The following NRXN1 variants were observed in gnomAD, a reference collection of about 807,000 sequenced individuals.
The protein encoded by NRXN1 is neurexin-1.
Under a neutral mutation model 150.9 loss-of-function variants are expected in NRXN1, and 39 were observed. The observed-to-expected ratio is 0.26, with a 90% CI of 0.20 to 0.34. The LOEUF (loss-of-function observed/expected upper bound fraction) is 0.34, where lower values mean the gene tolerates loss of function less well. Ranked by LOEUF, NRXN1 falls within the 10% of genes least tolerant of loss-of-function variation. The pLI is 1.00. For missense variants in NRXN1, 1,815 were observed against 1,949.9 expected (o/e 0.93, Z 1.30); for synonymous variants, 924 against 757.0 (o/e 1.22, Z -3.62).
At chr2:50,477,385 G>A (rs185497610) in intron 15 of NRXN1, among the ~76,000 whole-genome samples, 69 of 152,312 alleles carry the variant, frequency 4.5e-4, no homozygotes, top group African/African-American at 1.3e-3. Context: ...TGTGGAATTT[G>A]AGTAGGAACA....
At chr2:50,362,608 G>A (rs1441022766) in intron 17 of NRXN1, among the ~76,000 whole-genome samples, 1 of 152,010 alleles carries the variant, frequency 6.6e-6, no homozygotes, top group Non-Finnish European at 1.5e-5. Flanking sequence ...ACAAACAAAT[G>A]GAAAAACATT....
At chr2:50,322,568 A>G (rs898277193) in intron 17 of NRXN1, among the ~76,000 whole-genome samples, 2 of 152,220 alleles carry the variant, frequency 1.3e-5, no homozygotes, top group African/African-American at 4.8e-5. Flanking sequence ...TCTCTAATCT[A>G]TCACTAGATT....
At chr2:50,280,814 A>G (rs1189040322) in intron 17 of NRXN1, among the ~76,000 whole-genome samples, 2 of 152,154 alleles carry the variant, frequency 1.3e-5, no homozygotes, top group African/African-American at 2.4e-5. Context: ...AGGGAAGAAT[A>G]TGATTAATGA....
At chr2:50,247,223 T>C (rs552260361) in intron 17 of NRXN1, among the ~76,000 whole-genome samples, 2 of 152,126 alleles carry the variant, frequency 1.3e-5, no homozygotes, top group South Asian at 2.1e-4. Context: ...TATACCTGGG[T>C]AAGAAATAAG....
intron 15 of NRXN1, among the ~76,000 whole-genome samples, chr2:50,473,075 C>T (rs896687759): frequency 1.3e-5 from 2 of 151,850 alleles, no homozygotes; most frequent in East Asian, 3.9e-4. Flanking sequence ...TATCTAAAGT[C>T]ACTTCTATAC....
intron 12 of NRXN1, among the ~76,000 whole-genome samples, chr2:50,513,501 A>G (rs1217098336): frequency 6.6e-6 from 1 of 152,196 alleles, no homozygotes; most frequent in Non-Finnish European, 1.5e-5. Flanking sequence ...GAATATAAAA[A>G]TAAATGTAAA....
intron 5 of NRXN1, among the ~76,000 whole-genome samples, chr2:50,663,602 G>A (rs1341418960): frequency 6.6e-6 from 1 of 152,024 alleles, no homozygotes; most frequent in Non-Finnish European, 1.5e-5. Context: ...TTCTGTTTGG[G>A]TTGGACTAAT....
intron 17 of NRXN1, among the ~76,000 whole-genome samples, chr2:50,336,248 C>G (rs377747199): frequency 9.9e-5 from 15 of 152,232 alleles, no homozygotes; most frequent in African/African-American, 3.4e-4. Flanking sequence ...TCTTTAAGAA[C>G]AATGTAGTTA....
rs572841102 is a variant in NRXN1 at position 51,005,867 on chromosome 2, C to T, written c.772+21635G>A. Reference sequence around the variant, plus strand: ...GCTGAGTGGATTAAAACAAAAATGACCCAAATATATGTTGCCTACAAGAAA... The same window carrying T: ...GCTGAGTGGATTAAAACAAAAATGATCCAAATATATGTTGCCTACAAGAAA... On this transcript the variant is annotated intron_variant, in intron 2 of 22. Coordinates refer to ENST00000401669, the MANE Select transcript of NRXN1 (RefSeq NM_001330078.2). Among the ~76,000 whole-genome samples the T allele has an allele frequency of 2.6e-5, 4 of 151,830 alleles. No homozygotes were observed. The East Asian group carries it at 7.8e-4, about 30-fold the overall frequency.
chr2:50,301,187 C>T (rs1240093223), intron 17 of NRXN1, among the ~76,000 whole-genome samples: 2 of 152,234 alleles, frequency 1.3e-5, no homozygotes. Context: ...ATTTCAGCCT[C>T]TTTTCCTGCA....
intron 8 of NRXN1, chr2:50,589,000 A>T (rs1558980569): frequency 6.6e-6 from 1 of 152,290 alleles, no homozygotes; most frequent in South Asian, 2.1e-4. Context: ...TTTTTCCAGA[A>T]TAGTATGTTA....
At chr2:50,666,426 T>G (rs186110517) in intron 5 of NRXN1, among the ~76,000 whole-genome samples, 9 of 151,990 alleles carry the variant, frequency 5.9e-5, no homozygotes, top group Admixed American at 2.0e-4. Flanking sequence ...GATTATAGGG[T>G]AGGTATATGT....
chr2:50,242,372 T>C (rs896595810), intron 17 of NRXN1, among the ~76,000 whole-genome samples: 2 of 151,830 alleles, frequency 1.3e-5, no homozygotes, highest in African/African-American at 2.4e-5. Context: ...GCAACATTTC[T>C]AAACTGATGA....
intron 18 of NRXN1, among the ~76,000 whole-genome samples, chr2:50,183,183 A>G (rs1205704647): frequency 6.6e-6 from 1 of 152,102 alleles, no homozygotes; most frequent in Non-Finnish European, 1.5e-5. Flanking sequence ...AAATAAAGCT[A>G]TCATTTATTT....
At chr2:50,005,775 T>C (rs1684665346) in intron 21 of NRXN1, among the ~76,000 whole-genome samples, 1 of 152,140 alleles carries the variant, frequency 6.6e-6, no homozygotes, top group South Asian at 2.1e-4. Flanking sequence ...ATTCTACAGT[T>C]CTCAAACACA....
chr2:50,623,219 G>C (rs1680362507), intron 6 of NRXN1, 95 bp downstream of exon 6: 1 of 929,254 alleles, frequency 1.1e-6, no homozygotes, highest in African/African-American at 1.7e-5. Flanking sequence ...TGACTCTGAG[G>C]AGCCCTGTAT....
At chr2:50,874,487 T>G (rs1034255589) in intron 5 of NRXN1, among the ~76,000 whole-genome samples, 1 of 151,840 alleles carries the variant, frequency 6.6e-6, no homozygotes, top group Non-Finnish European at 1.5e-5. Context: ...GATTCTTTTC[T>G]TCTAAATTAA....
At chr2:50,409,762 G>A (rs977938307) in intron 17 of NRXN1, among the ~76,000 whole-genome samples, 17 of 152,204 alleles carry the variant, frequency 1.1e-4, no homozygotes, top group Admixed American at 5.2e-4. Flanking sequence ...AATGTAAGGT[G>A]CTGTGTCAAC....
chr2:50,507,339 A>G (rs139132050), intron 12 of NRXN1, among the ~76,000 whole-genome samples: 2 of 152,024 alleles, frequency 1.3e-5, no homozygotes, highest in Admixed American at 6.6e-5. Context: ...AGGTATAAGT[A>G]TTGACTCACA....
Sources: allele counts gnomAD v4.1 joint callset (sites outside exome capture counted in the v4.1 genomes callset), GRCh38; gene constraint gnomAD v4.1.1; transcripts MANE v1.5; gene names NCBI Gene and HGNC (gene_info 2026-07-23, HGNC 2026-07-21).